The following LRRTM4 variants were observed in gnomAD, a reference collection of about 807,000 sequenced individuals.
The protein encoded by LRRTM4 is leucine-rich repeat transmembrane neuronal protein 4.
A neutral mutation model predicts 47.6 loss-of-function variants in LRRTM4; 25 were observed. The observed-to-expected ratio is 0.53, with a 90% CI of 0.38 to 0.73. The LOEUF (loss-of-function observed/expected upper bound fraction) is 0.73. Among genes scored for constraint, LRRTM4 ranks in the 30% least tolerant of loss-of-function variants. The pLI is 0.00. For missense variants in LRRTM4, 638 were observed against 713.4 expected (o/e 0.89, Z 1.20); for synonymous variants, 311 against 269.5 (o/e 1.15, Z -1.51).
chr2:77,312,009 C>T (rs751434529), intron 3 of LRRTM4, among the ~76,000 whole-genome samples: 39 of 152,072 alleles, frequency 2.6e-4, no homozygotes, highest in Non-Finnish European at 4.9e-4. Context: ...TCCCTTTTGT[C>T]ATCCCTCAAT....
chr2:77,041,941 A>T (rs1385941668), intron 3 of LRRTM4, among the ~76,000 whole-genome samples: 1 of 151,150 alleles, frequency 6.6e-6, no homozygotes, highest in Non-Finnish European at 1.5e-5. Context: ...GAATCATCTG[A>T]ATACACTTTC....
chr2:77,146,618 C>A (rs990670840), intron 3 of LRRTM4, among the ~76,000 whole-genome samples: 2 of 152,092 alleles, frequency 1.3e-5, no homozygotes, highest in Admixed American at 6.5e-5. Flanking sequence ...TTGCCAAATT[C>A]TTTCCTATTT....
At chr2:77,474,556 T>C (rs1252844170) in intron 3 of LRRTM4, among the ~76,000 whole-genome samples, 2 of 152,094 alleles carry the variant, frequency 1.3e-5, no homozygotes, top group Admixed American at 6.6e-5. Flanking sequence ...TTGTATAAAT[T>C]AAATTAAGAT....
At chr2:77,451,418 G>A (rs1676250780) in intron 3 of LRRTM4, among the ~76,000 whole-genome samples, 1 of 152,148 alleles carries the variant, frequency 6.6e-6, no homozygotes, top group Non-Finnish European at 1.5e-5. Context: ...CTGGAAAACG[G>A]AACATGGAGG....
intron 3 of LRRTM4, among the ~76,000 whole-genome samples, chr2:76,807,394 A>ATATG (rs1443297479): frequency 2.5e-5 from 3 of 122,388 alleles, no homozygotes; most frequent in East Asian, 2.5e-4. Flanking sequence ...ATATATATAT[A>ATATG]TATATGTATA....
chr2:77,469,782 G>A (rs1573456925), intron 3 of LRRTM4, among the ~76,000 whole-genome samples: 3 of 151,578 alleles, frequency 2.0e-5, no homozygotes, highest in Non-Finnish European at 4.4e-5. Flanking sequence ...ATTATGCTTG[G>A]TATTATAATT....
chr2:76,870,388 G>T (rs925579968), intron 3 of LRRTM4, among the ~76,000 whole-genome samples: 1 of 152,090 alleles, frequency 6.6e-6, no homozygotes, highest in Non-Finnish European at 1.5e-5. Flanking sequence ...TGTGGGCATA[G>T]TCATAACACC....
intron 3 of LRRTM4, among the ~76,000 whole-genome samples, chr2:77,247,930 T>C (rs1399066573): frequency 6.7e-6 from 1 of 150,212 alleles, no homozygotes; most frequent in Non-Finnish European, 1.5e-5. Context: ...TGGTATATGA[T>C]ATTAATAATA....
rs748229061 is a variant in LRRTM4, at chr2:76,872,179, C to T, written c.1552-123263G>A. Among the ~76,000 whole-genome samples, 128 of 152,088 alleles carry T rather than the reference C, an allele frequency of 8.4e-4. 1 individual carries two copies. In the Middle Eastern group the frequency reaches 0.014, roughly 16 times the overall value. On this transcript the variant is annotated intron_variant, in intron 3 of 3. Coordinates refer to ENST00000409884, the MANE Select transcript of LRRTM4 (RefSeq NM_001134745.3). ...ACAGCAGTGCATAATGTTTAAAAGACGTAAATCAAGCAAATATAATTTCCA... is the reference window on the plus strand; with the variant it reads ...ACAGCAGTGCATAATGTTTAAAAGATGTAAATCAAGCAAATATAATTTCCA...
At chr2:76,848,736 G>GA (rs568145920) in intron 3 of LRRTM4, among the ~76,000 whole-genome samples, 1 of 151,602 alleles carries the variant, frequency 6.6e-6, no homozygotes, top group African/African-American at 2.4e-5. Flanking sequence ...TACAGAAAAA[G>GA]AAAAAAAAGT....
At chr2:76,857,377 T>C in intron 3 of LRRTM4, among the ~76,000 whole-genome samples, 1 of 150,318 alleles carries the variant, frequency 6.7e-6, no homozygotes, top group Admixed American at 6.7e-5. Flanking sequence ...TTGATATTCA[T>C]ATTTACATAT....
intron 3 of LRRTM4, among the ~76,000 whole-genome samples, chr2:77,484,152 G>A (rs991289205): frequency 6.6e-6 from 1 of 152,190 alleles, no homozygotes; most frequent in Non-Finnish European, 1.5e-5. Flanking sequence ...ATAAACAAAT[G>A]CTGGCATTCA....
intron 3 of LRRTM4, among the ~76,000 whole-genome samples, chr2:76,791,169 T>C (rs957004804): frequency 2.0e-5 from 3 of 152,116 alleles, no homozygotes; most frequent in African/African-American, 4.8e-5. Flanking sequence ...CAGAAAATGA[T>C]AGAACCACAG....
intron 3 of LRRTM4, among the ~76,000 whole-genome samples, chr2:76,929,451 T>G (rs72821295): frequency 0.12 from 18,142 of 152,168 alleles, 1,473 homozygotes; most frequent in East Asian, 0.42. Context: ...CAGAGAATAT[T>G]TGTCCACCCA....
chr2:76,990,280 CATG>C (rs1268603294), intron 3 of LRRTM4, among the ~76,000 whole-genome samples: 3 of 151,758 alleles, frequency 2.0e-5, no homozygotes, highest in Non-Finnish European at 4.4e-5. Context: ...CTAACAACTT[CATG>C]ATTAGGTCAA....
intron 3 of LRRTM4, among the ~76,000 whole-genome samples, chr2:76,881,460 G>A (rs1573250315): frequency 7.0e-6 from 1 of 143,252 alleles, no homozygotes; most frequent in Admixed American, 7.4e-5. Flanking sequence ...TGAGAGGCTT[G>A]CTAAAGACTT....
intron 3 of LRRTM4, among the ~76,000 whole-genome samples, chr2:76,788,893 C>G (rs1316607324): frequency 3.9e-5 from 6 of 152,084 alleles, no homozygotes; most frequent in Non-Finnish European, 2.9e-5. Flanking sequence ...AAAATGATTT[C>G]TGGATGCAGT....
chr2:77,285,337 A>AAAATATATATATATATATAT, intron 3 of LRRTM4, among the ~76,000 whole-genome samples: 1 of 11,964 alleles, frequency 8.4e-5, no homozygotes, highest in Non-Finnish European at 1.5e-4. Flanking sequence ...CTCAGCATTA[A>AAAATATATATATATATATAT]ATTTATATAT....
At chr2:77,259,984 T>C (rs1394529702) in intron 3 of LRRTM4, among the ~76,000 whole-genome samples, 1 of 152,038 alleles carries the variant, frequency 6.6e-6, no homozygotes, top group East Asian at 1.9e-4. Flanking sequence ...GGAGAGTGCA[T>C]TCTATGTGGA....
Sources: gnomAD v4.1 joint callset for allele counts (sites outside exome capture counted in the v4.1 genomes callset) on GRCh38, gnomAD v4.1.1 for gene constraint, MANE v1.5 for transcripts, NCBI Gene and HGNC (gene_info 2026-07-23, HGNC 2026-07-21) for gene names.